Variants in TENM3 observed in about 807,000 individuals in gnomAD.
The protein encoded by TENM3 is teneurin transmembrane protein 3, also known as teneurin-3.
In TENM3, 63 loss-of-function variants were observed where a neutral mutation model predicts 255.1. The ratio of observed to expected loss-of-function variants is 0.25; its 90% CI spans 0.20 to 0.30. TENM3 has a LOEUF of 0.30. Ranked by LOEUF, TENM3 falls within the 10% of genes least tolerant of loss-of-function variation. TENM3 has a pLI of 1.00. For synonymous variants in TENM3, 1,306 were observed against 1,322.3 expected (o/e 0.99, Z 0.27); for missense variants, 2,929 against 3,461.1 (o/e 0.85, Z 3.86).
At chr4:181,698,480 T>C in the TENM3 span, among the ~76,000 whole-genome samples, 4 of 152,104 alleles carry the variant, frequency 2.6e-5, no homozygotes, top group Non-Finnish European at 5.9e-5. Flanking sequence ...AAAAAATCAC[T>C]CTGGCATGCT....
chr4:182,279,272 A>C (rs1441525385), intron 1 of TENM3, among the ~76,000 whole-genome samples: 2 of 152,136 alleles, frequency 1.3e-5, no homozygotes, highest in South Asian at 2.1e-4. Context: ...ATATATATGC[A>C]TATATATGTG....
intron 1 of TENM3, among the ~76,000 whole-genome samples, chr4:182,266,816 TTA>T (rs1759273375): frequency 1.3e-5 from 2 of 152,208 alleles, no homozygotes; most frequent in African/African-American, 4.8e-5. Flanking sequence ...TTATTAATAA[TTA>T]TAATTGTTAT....
chr4:182,620,362 C>T (rs1749993619), intron 4 of TENM3, among the ~76,000 whole-genome samples: 1 of 152,112 alleles, frequency 6.6e-6, no homozygotes, highest in South Asian at 2.1e-4. Context: ...ACATTAATCA[C>T]AATATGCACT....
At chr4:182,510,664 T>TCC (rs1737304413) in intron 3 of TENM3, among the ~76,000 whole-genome samples, 1 of 152,206 alleles carries the variant, frequency 6.6e-6, no homozygotes, top group Non-Finnish European at 1.5e-5. Flanking sequence ...TATCGGCCAG[T>TCC]CTTTAGTTAC....
At chr4:182,222,440 G>A (rs771006727) in intron 1 of TENM3, among the ~76,000 whole-genome samples, 10 of 152,214 alleles carry the variant, frequency 6.6e-5, no homozygotes, top group Admixed American at 1.3e-4. Context: ...GATTCTGTGT[G>A]TGCTTGCATG....
intron 12 of TENM3, chr4:182,707,724 G>A (rs977946763): frequency 4.6e-5 from 7 of 152,166 alleles, no homozygotes; most frequent in African/African-American, 1.2e-4. Flanking sequence ...CCAAGGACCC[G>A]CAGGTCATAG....
At chr4:181,485,598 T>G in the TENM3 span, among the ~76,000 whole-genome samples, 2 of 152,164 alleles carry the variant, frequency 1.3e-5, no homozygotes, top group Non-Finnish European at 2.9e-5. Context: ...TAATGTATAT[T>G]TTCCAATACT....
chr4:182,101,909 C>T, the TENM3 span, among the ~76,000 whole-genome samples: 3 of 152,034 alleles, frequency 2.0e-5, no homozygotes, highest in Non-Finnish European at 4.4e-5. Context: ...TATTATTTGT[C>T]GATTAAAAAT....
chr4:182,497,745 C>G (rs1011072356), intron 3 of TENM3, among the ~76,000 whole-genome samples: 6 of 151,574 alleles, frequency 4.0e-5, no homozygotes, highest in African/African-American at 1.5e-4. Flanking sequence ...AAGTTTTATT[C>G]TTCTTCATAA....
chr4:181,543,008 C>T, the TENM3 span, among the ~76,000 whole-genome samples: 7 of 152,162 alleles, frequency 4.6e-5, no homozygotes, highest in Non-Finnish European at 1.5e-5. Flanking sequence ...TTCCAGCCAA[C>T]TCTCAACTAA....
the TENM3 span, among the ~76,000 whole-genome samples, chr4:181,647,081 G>A: frequency 5.3e-5 from 8 of 152,042 alleles, no homozygotes; most frequent in Non-Finnish European, 1.0e-4. Context: ...GAAGACATAC[G>A]GAATATTAAG....
At chr4:181,787,237 C>A in the TENM3 span, among the ~76,000 whole-genome samples, 1 of 152,100 alleles carries the variant, frequency 6.6e-6, no homozygotes, top group Non-Finnish European at 1.5e-5. Context: ...ACAGAACAGA[C>A]TCTTTGTGGC....
chr4:182,161,635 A>G (rs1183484002), intron 1 of TENM3, among the ~76,000 whole-genome samples: 2 of 91,954 alleles, frequency 2.2e-5, no homozygotes, highest in Non-Finnish European at 4.2e-5. Context: ...ACAAATATAT[A>G]TATGTATATA....
At chr4:182,704,180 G>A (rs4862083) in intron 12 of TENM3, among the ~76,000 whole-genome samples, 138,236 of 152,174 alleles carry the variant, frequency 0.91, 63,203 homozygotes, top group East Asian at 1. Context: ...TAAAAAATAA[G>A]GGAGATGTGT....
chr4:182,720,062 T>TCACACA (rs539752485), intron 13 of TENM3, among the ~76,000 whole-genome samples: 1 of 149,592 alleles, frequency 6.7e-6, no homozygotes, highest in East Asian at 2.0e-4. Flanking sequence ...ACCCTGTCTC[T>TCACACA]CACACACACA....
At chr4:182,470,097 G>A (rs866164284) in intron 3 of TENM3, among the ~76,000 whole-genome samples, 36 of 152,170 alleles carry the variant, frequency 2.4e-4, no homozygotes, top group African/African-American at 8.0e-4. Flanking sequence ...AAAAAAGTAC[G>A]AAACCATTTT....
In TENM3 at chr4:182,149,116, A is replaced by C. The variant is rs372606797; in HGVS notation, c.-76+4362A>C. 5.3e-5 allele frequency among the ~76,000 whole-genome samples: 8 copies of C among 152,158 alleles called. No individual in the cohort carries two copies. The East Asian group carries it at 9.6e-4, about 18-fold the overall frequency. ...TTTCAGGAAGGAAAAAAACTTGATAAGAACTATGTATCTTTATTTTATTCT... is the reference window on the plus strand; with the variant it reads ...TTTCAGGAAGGAAAAAAACTTGATACGAACTATGTATCTTTATTTTATTCT... On this transcript the variant is annotated intron_variant, in intron 1 of 2. Coordinates refer to the TENM3 transcript ENST00000512480.
the TENM3 span, among the ~76,000 whole-genome samples, chr4:181,889,986 C>G: frequency 6.6e-6 from 1 of 152,194 alleles, no homozygotes; most frequent in African/African-American, 2.4e-5. Flanking sequence ...CTGACCTACT[C>G]AGCCTTGCTA....
chr4:181,768,274 C>T, the TENM3 span, among the ~76,000 whole-genome samples: 1 of 152,166 alleles, frequency 6.6e-6, no homozygotes, highest in Non-Finnish European at 1.5e-5. Flanking sequence ...GGGATTTGTG[C>T]TCTGCTACTG....
Sources: allele counts gnomAD v4.1 joint callset (sites outside exome capture counted in the v4.1 genomes callset), GRCh38; gene constraint gnomAD v4.1.1; transcripts MANE v1.5; gene names NCBI Gene and HGNC (gene_info 2026-07-23, HGNC 2026-07-21).